The following NUP153 variants were observed in gnomAD, a reference collection of about 807,000 sequenced individuals.
NUP153 encodes nucleoporin 153.
A neutral mutation model predicts 134.6 loss-of-function variants in NUP153; 27 were observed. The ratio of observed to expected loss-of-function variants is 0.20; its 90% CI spans 0.15 to 0.28. NUP153 has a LOEUF of 0.28. Ranked by LOEUF, NUP153 falls within the 10% of genes least tolerant of loss-of-function variation. The probability of loss-of-function intolerance (pLI) is 1.00; values close to 1 mark genes in which losing one functional copy is unlikely to be tolerated. For synonymous variants in NUP153, 640 were observed against 623.5 expected (o/e 1.03, Z -0.40); for missense variants, 1,821 against 1,731.3 (o/e 1.05, Z -0.92).
Position 17,625,858 on chromosome 6 carries a change from G to A in NUP153, c.3851C>T (p.Thr1284Ile), listed in dbSNP as rs755579906. The A allele has an allele frequency of 4.5e-5, 73 of 1,614,118 alleles. 1 individual carries two copies. The East Asian group carries it at 1.3e-3, about 30-fold the overall frequency. ...TCCAAAGCCGAAACCAGAGGTGGTA[G>A]TATTATTACTGCTGGCTCCTGGACC... ...VFGPGASSNN[T>I]TTSGFGFGAT... Residue 1284 changes from threonine to isoleucine, a missense_variant, in exon 19 of 22, where the codon ACT becomes ATT. Physicochemically the swap from Thr to Ile is moderately conservative, Grantham distance 89. Coordinates refer to ENST00000262077, the MANE Select transcript of NUP153 (RefSeq NM_005124.4). The surrounding 1 kb of genome is among the most constrained non-coding windows in gnomAD (Gnocchi z 4.7).
intron 13 of NUP153, 29 bp downstream of exon 13, chr6:17,647,778 A>G (rs778897339): frequency 1.5e-6 from 2 of 1,300,950 alleles, no homozygotes; most frequent in East Asian, 2.3e-5. Context: ...AAATCAGTAA[A>G]TATATACTAT....
intron 11 of NUP153, chr6:17,651,909 T>C: frequency 3.0e-6 from 2 of 670,402 alleles, no homozygotes; most frequent in Middle Eastern, 2.4e-4. Flanking sequence ...GCTTGGGCAA[T>C]ACGGTGAGAC....
In NUP153 at chr6:17,629,165, C is replaced by G. The variant is rs370675274; in HGVS notation, c.3034G>C (p.Glu1012Gln). 109 of 1,613,028 alleles carry G rather than the reference C, an allele frequency of 6.8e-5. No homozygotes were observed. Among genetic ancestry groups the G allele is most frequent in the Non-Finnish European group, 8.6e-5 (101 of 1,179,844 alleles). The change falls in exon 18 of 22, where the codon GAG (glutamate) becomes CAG (glutamine). Residue 1012 changes from glutamate to glutamine, a missense_variant. Glu to Gln is a conservative substitution (Grantham distance 29). Coordinates refer to ENST00000262077, the MANE Select transcript of NUP153 (RefSeq NM_005124.4). ...VSNLGQEEKK[E>Q]ELPKSSSAGF... ...GCAGAGGAAGATTTGGGCAGTTCCT[C>G]TTTCTTTTCTTCCTGTCCAAGATTA...
intron 1 of NUP153, among the ~76,000 whole-genome samples, chr6:17,699,972 G>A (rs939140181): frequency 1.4e-4 from 22 of 152,188 alleles, no homozygotes; most frequent in Middle Eastern, 3.4e-3. Context: ...TCACTTATTA[G>A]AAAAATTAAG....
Position 17,706,163 on chromosome 6 carries a change from C to T in NUP153, c.111+114G>A, listed in dbSNP as rs1208904584. 2 of 849,054 alleles carry T rather than the reference C, an allele frequency of 2.4e-6. No individual in the cohort carries two copies. Among genetic ancestry groups the T allele is most frequent in the Non-Finnish European group, 3.8e-6 (2 of 526,830 alleles). The allele number at this position is 849,054 out of a possible 1,614,324, so 52.6% of individuals were successfully genotyped here. A position where few individuals can be genotyped will look rare whatever the true frequency, so the allele number is the denominator to read the frequency against. On this transcript the variant is annotated intron_variant, in intron 1 of 21. Coordinates refer to ENST00000262077, the MANE Select transcript of NUP153 (RefSeq NM_005124.4). This position sits in a 1 kb window ranked among gnomAD's most constrained non-coding sequence, Gnocchi z 5.9. The stretch of plus-strand genomic sequence containing the variant: ...AGCTCCCCCGGAGCCTCACTCGGGC[C>T]TTTCCTCAGGCCCTCCTGTCTGCTC...
Position 17,628,610 on chromosome 6 carries a change from T to G in NUP153, c.3544+45A>C. The G allele has an allele frequency of 1.1e-6, 1 of 932,464 alleles. No individual in the cohort carries two copies. Among genetic ancestry groups the G allele is most frequent in the Non-Finnish European group, 1.4e-6 (1 of 733,474 alleles). 57.8% of individuals were successfully genotyped at this position (932,464 alleles called of 1,614,324 possible). ...AGGCAACTTGTAAAACGACAACTTG[T>G]AAAAAAAAAAATAATAATAATAATA... On this transcript the variant is annotated intron_variant, in intron 18 of 21. Coordinates refer to ENST00000262077, the MANE Select transcript of NUP153 (RefSeq NM_005124.4). The surrounding 1 kb of genome is among the most constrained non-coding windows in gnomAD (Gnocchi z 5.4).
At chr6:17,687,461 T>G (rs1769001386) in intron 2 of NUP153, among the ~76,000 whole-genome samples, 1 of 152,162 alleles carries the variant, frequency 6.6e-6, no homozygotes, top group Non-Finnish European at 1.5e-5. Flanking sequence ...AGTACAGACA[T>G]TAAAACTTAA....
At chr6:17,635,406 GC>G (rs949102039) in intron 16 of NUP153, among the ~76,000 whole-genome samples, 1 of 151,656 alleles carries the variant, frequency 6.6e-6, no homozygotes, top group Non-Finnish European at 1.5e-5. Context: ...ACCGCACCCG[GC>G]CTATCATTAT....
intron 20 of NUP153, among the ~76,000 whole-genome samples, chr6:17,623,255 A>G (rs1180279121): frequency 1.3e-5 from 2 of 151,770 alleles, no homozygotes; most frequent in African/African-American, 4.8e-5. Flanking sequence ...ATCAGAAAAC[A>G]GGAGAAATTT....
intron 8 of NUP153, among the ~76,000 whole-genome samples, chr6:17,667,056 G>A (rs577405810): frequency 1.3e-5 from 2 of 152,216 alleles, no homozygotes; most frequent in African/African-American, 4.8e-5. Context: ...TTATGGATAC[G>A]ATACTCAACC....
chr6:17,619,576 A>G (rs1201932028), intron 20 of NUP153: 2 of 152,204 alleles, frequency 1.3e-5, no homozygotes, highest in African/African-American at 4.8e-5. Flanking sequence ...AACAAAGAAG[A>G]TTAGCATGGC....
chr6:17,700,095 T>C, intron 1 of NUP153, among the ~76,000 whole-genome samples: 1 of 152,098 alleles, frequency 6.6e-6, no homozygotes, highest in East Asian at 1.9e-4. Flanking sequence ...GAAACAAAAC[T>C]TCTGATAAGA....
At chr6:17,681,884 A>T (rs1326328777) in intron 2 of NUP153, among the ~76,000 whole-genome samples, 1 of 152,084 alleles carries the variant, frequency 6.6e-6, no homozygotes, top group Non-Finnish European at 1.5e-5. Flanking sequence ...AACTAAACCT[A>T]GTATATACAG....
At chr6:17,692,713 T>A (rs1769360192) in intron 1 of NUP153, among the ~76,000 whole-genome samples, 1 of 152,188 alleles carries the variant, frequency 6.6e-6, no homozygotes, top group South Asian at 2.1e-4. Context: ...GTGTGATCCC[T>A]TTTTAGCAGT....
intron 1 of NUP153, among the ~76,000 whole-genome samples, chr6:17,705,499 T>C (rs545810812): frequency 2.0e-5 from 3 of 148,448 alleles, no homozygotes; most frequent in African/African-American, 5.0e-5. Context: ...TAAAATATTT[T>C]GTGTATGAGA....
chr6:17,699,596 G>A (rs781214196), intron 1 of NUP153, among the ~76,000 whole-genome samples: 5 of 152,116 alleles, frequency 3.3e-5, no homozygotes, highest in African/African-American at 4.8e-5. Context: ...CAGCACTTTG[G>A]GAAGCCGAGG....
intron 15 of NUP153, 103 bp from the exon 16 acceptor site, chr6:17,637,873 T>G (rs934614967): frequency 1.8e-5 from 22 of 1,250,270 alleles, no homozygotes; most frequent in Non-Finnish European, 1.9e-5. Context: ...ACTGCACACT[T>G]ACTACAATCC....
intron 5 of NUP153, among the ~76,000 whole-genome samples, chr6:17,670,300 A>G (rs1217809036): frequency 6.6e-6 from 1 of 152,106 alleles, no homozygotes; most frequent in East Asian, 1.9e-4. Flanking sequence ...TAAAAACAAG[A>G]CAAAAATCTT....
rs1015354411 is a variant in NUP153 at position 17,638,937 on chromosome 6, A to C, written c.1846+1002T>G. ...TGGACCAGAAAAATTGAATCCTCCT[A>C]AATCCTGTTGTAAAAGCCAACCTTA... On this transcript the variant is annotated intron_variant, in intron 15 of 21. Transcript: ENST00000262077. The surrounding 1 kb of genome is among the most constrained non-coding windows in gnomAD (Gnocchi z 4.0). Among the ~76,000 whole-genome samples, 1 of 152,216 alleles carries C rather than the reference A, an allele frequency of 6.6e-6. No homozygotes were observed. The highest frequency in any genetic ancestry group is 1.5e-5 in the Non-Finnish European group (1 of 68,040).
Sources: allele counts gnomAD v4.1 joint callset (sites outside exome capture counted in the v4.1 genomes callset), GRCh38; gene constraint gnomAD v4.1.1; non-coding constraint Gnocchi (gnomAD v3.1); transcripts MANE v1.5; gene names NCBI Gene and HGNC (gene_info 2026-07-23, HGNC 2026-07-21).